CEP152: variants seen among roughly 807,000 people sequenced by gnomAD.
The protein encoded by CEP152 is centrosomal protein 152, also known as centrosomal protein of 152 kDa.
CEP152 carries 132 observed loss-of-function variants against 188.9 expected under a neutral mutation model. The observed-to-expected ratio is 0.70, with a 90% CI of 0.61 to 0.81. The LOEUF is 0.81. Ranked by LOEUF, CEP152 falls within the 30% of genes least tolerant of loss-of-function variation. The pLI, the probability that CEP152 is intolerant of heterozygous loss-of-function variation, is 0.00. For missense variants in CEP152, 1,914 were observed against 1,969.8 expected (o/e 0.97, Z 0.54); for synonymous variants, 649 against 666.6 (o/e 0.97, Z 0.41).
At chr15:48,763,737 A>G (rs1894864577) in intron 17 of CEP152, among the ~76,000 whole-genome samples, 1 of 152,180 alleles carries the variant, frequency 6.6e-6, no homozygotes, top group Admixed American at 6.5e-5. Flanking sequence ...TCATTTCTAA[A>G]TAAGCTTTTA....
chr15:48,746,044 A>G (rs1385085274), intron 22 of CEP152, among the ~76,000 whole-genome samples: 2 of 152,314 alleles, frequency 1.3e-5, no homozygotes, highest in East Asian at 3.9e-4. Context: ...TTTTTGTTTT[A>G]AACAACTCAC....
At chr15:48,809,394 AAC>A (rs1452649544) in intron 1 of CEP152, among the ~76,000 whole-genome samples, 39 of 152,210 alleles carry the variant, frequency 2.6e-4, no homozygotes, top group African/African-American at 8.4e-4. Flanking sequence ...CACTGATATA[AAC>A]AGTTACAATA....
chr15:48,762,696 CGAG>C, intron 17 of CEP152, 24 bp from the exon 18 acceptor site: 1 of 1,609,710 alleles, frequency 6.2e-7, no homozygotes, highest in Non-Finnish European at 8.5e-7. Context: ...AAAAATCATA[CGAG>C]AAGAACAATT....
At chr15:48,807,278 A>G (rs1025201286) in intron 1 of CEP152, among the ~76,000 whole-genome samples, 1 of 152,238 alleles carries the variant, frequency 6.6e-6, no homozygotes, top group Non-Finnish European at 1.5e-5. Flanking sequence ...GAATATGATA[A>G]AAAGCCTGTA....
At position 48,796,162 on chromosome 15, in the gene CEP152, T is replaced by A; in HGVS notation, c.541-2A>T. The A allele has an allele frequency of 1.9e-6, 3 of 1,613,482 alleles. No individual in the cohort carries two copies. The highest frequency in any genetic ancestry group is 2.5e-6 in the Non-Finnish European group (3 of 1,179,600). ...TTCCAAACCTTGACAACTGGGACCCTGTGATAACAAATGAAACTGACAATT... is the reference window on the plus strand; with the variant it reads ...TTCCAAACCTTGACAACTGGGACCCAGTGATAACAAATGAAACTGACAATT... On this transcript the variant is annotated splice_acceptor_variant, in intron 5 of 26. Coordinates refer to ENST00000380950, the MANE Select transcript of CEP152 (RefSeq NM_001194998.2). LOFTEE classifies it high-confidence loss of function.
downstream of CEP152, among the ~76,000 whole-genome samples, chr15:48,734,285 A>C (rs1038195352): frequency 2.6e-5 from 4 of 151,388 alleles, no homozygotes; most frequent in Non-Finnish European, 5.9e-5. Flanking sequence ...ATGAAGCTAA[A>C]CTGGGGCAAA....
In CEP152 at chr15:48,782,205, T is replaced by C; in HGVS notation, c.1347A>G (p.Leu449=). 7 of 1,613,900 alleles carry C rather than the reference T, an allele frequency of 4.3e-6. No individual in the cohort carries two copies. The highest frequency in any genetic ancestry group is 1.3e-5 in the African/African-American group (1 of 75,040). ...QSGSVQEVAQ[L]QFQLQQAQKA... ...TCTGTGCTTGCTGCAGCTGGAACTG[T>C]AGCTGAGCCACCTCTTGTACTGACC... Residue 449 remains leucine, a synonymous_variant, in exon 11 of 27, where the codon CTA becomes CTG. Transcript: ENST00000380950.
At chr15:48,741,904 T>C (rs554969968) in intron 25 of CEP152, 43 bp downstream of exon 25, 103 of 1,613,738 alleles carry the variant, frequency 6.4e-5, no homozygotes, top group Non-Finnish European at 8.1e-5. Context: ...TGATAACATG[T>C]TGTCCTGGTA....
In CEP152 at chr15:48,744,837, T is replaced by G. The variant is rs3784629; in HGVS notation, c.3731+59A>C. On this transcript the variant is annotated intron_variant, in intron 23 of 26. Transcript: ENST00000380950. ...AAAAAAAATTGATACTTAAAAAAAT[T>G]TAAAGATACTTGTACTTAGATTTCT... 113 of 1,472,538 alleles carry G rather than the reference T, an allele frequency of 7.7e-5. 1 individual carries two copies. The East Asian group carries it at 2.7e-3, about 35-fold the overall frequency. 91.2% of individuals were successfully genotyped at this position (1,472,538 alleles called of 1,614,324 possible).
chr15:48,797,894 G>C, intron 3 of CEP152, 54 bp downstream of exon 3: 2 of 1,524,274 alleles, frequency 1.3e-6, no homozygotes, highest in Non-Finnish European at 1.8e-6. Flanking sequence ...TTCATCAAAA[G>C]AAAAAGACTT....
At chr15:48,764,423 C>T (rs1426297800) in intron 17 of CEP152, among the ~76,000 whole-genome samples, 1 of 152,178 alleles carries the variant, frequency 6.6e-6, no homozygotes, top group Non-Finnish European at 1.5e-5. Flanking sequence ...ATAAACATCT[C>T]TCTACAACAC....
At chr15:48,788,211 A>G (rs1036799113) in intron 9 of CEP152, among the ~76,000 whole-genome samples, 1 of 152,220 alleles carries the variant, frequency 6.6e-6, no homozygotes, top group Non-Finnish European at 1.5e-5. Flanking sequence ...CAAATACCCT[A>G]CAAATAAAGG....
chr15:48,752,346 T>G lies in CEP152; in HGVS notation c.3466+3A>C. 1 of 1,614,014 alleles carries G rather than the reference T, an allele frequency of 6.2e-7. No homozygotes were observed. The highest frequency in any genetic ancestry group is 8.5e-7 in the Non-Finnish European group (1 of 1,179,994). The stretch of plus-strand genomic sequence containing the variant: ...AAGACTGGTGGGAACAAAATCCAAT[T>G]ACCAGCTTCTGCTTCTGTTGCTTGT... On this transcript the variant is annotated splice_donor_region_variant and intron_variant, in intron 21 of 26. Transcript: ENST00000380950.
intron 5 of CEP152, 136 bp downstream of exon 5, chr15:48,797,165 A>G (rs1033723727): frequency 2.2e-6 from 2 of 928,686 alleles, no homozygotes; most frequent in Admixed American, 1.9e-5. Flanking sequence ...ATGAACCTGA[A>G]TAAGTGCCCT....
chr15:48,741,690 A>G lies in CEP152; in HGVS notation c.4004T>C (p.Ile1335Thr). 4 of 1,614,128 alleles carry G rather than the reference A, an allele frequency of 2.5e-6. No individual in the cohort carries two copies. The highest frequency in any genetic ancestry group is 3.4e-6 in the Non-Finnish European group (4 of 1,180,024). ...AGCAAGTTTGCTAGCAGCATTCATA[A>G]TCTTTTTCTCAGCCCTGTGGGGAAT... ...DDGKEGAEKKIMNAASKLATM... is the reference protein window; with the variant it reads ...DDGKEGAEKKTMNAASKLATM... Residue 1335 changes from isoleucine to threonine, a missense_variant, in exon 26 of 27, where the codon ATT (isoleucine) becomes ACT (threonine). Coordinates refer to ENST00000380950, the MANE Select transcript of CEP152 (RefSeq NM_001194998.2).
intron 9 of CEP152, among the ~76,000 whole-genome samples, chr15:48,787,400 G>A (rs1397768231): frequency 1.3e-5 from 2 of 151,816 alleles, no homozygotes; most frequent in East Asian, 3.9e-4. Flanking sequence ...TGAACTCATG[G>A]GCTCAAGTGA....
At position 48,738,289 on chromosome 15, in the gene CEP152, T is replaced by C. The variant is rs745325875; in HGVS notation, c.5093A>G (p.Gln1698Arg). ...AAATGGGCTATCAAAGCCACTATCTTGTTGGCTAGATAGCGGAACAATTAA... is the reference window on the plus strand; with the variant it reads ...AAATGGGCTATCAAAGCCACTATCTCGTTGGCTAGATAGCGGAACAATTAA... ...RKLIVPLSSQ[Q>R]DSGFDSPFVN... The change falls in exon 27 of 27, where the codon CAA becomes CGA. Residue 1698 changes from glutamine (Q) to arginine (R), a missense_variant. Gln to Arg is a conservative substitution (Grantham distance 43). Transcript: ENST00000380950. 6.2e-7 allele frequency: 1 copy of C among 1,614,004 alleles called. No individual in the cohort carries two copies. The highest frequency in any genetic ancestry group is 8.5e-7 in the Non-Finnish European group (1 of 1,179,874).
At chr15:48,775,350 A>G (rs972233290) in intron 12 of CEP152, among the ~76,000 whole-genome samples, 2 of 152,072 alleles carry the variant, frequency 1.3e-5, no homozygotes, top group Non-Finnish European at 2.9e-5. Flanking sequence ...ACTTAAACAT[A>G]TCATAATCAA....
Position 48,790,852 on chromosome 15 carries a change from G to A in CEP152, c.972+385C>T, listed in dbSNP as rs1896948161. 3.9e-5 allele frequency among the ~76,000 whole-genome samples: 6 copies of A among 152,210 alleles called. No individual in the cohort carries two copies. The South Asian group carries it at 1.2e-3, about 32-fold the overall frequency. On this transcript the variant is annotated intron_variant, in intron 8 of 26. Transcript: ENST00000380950. ...CAAAGTGCTGGGATTACAGGCGTGA[G>A]CCACTGCATCCGGCCATCACTTTCA...
Sources: allele counts gnomAD v4.1 joint callset (sites outside exome capture counted in the v4.1 genomes callset), GRCh38; gene constraint gnomAD v4.1.1; transcripts MANE v1.5; gene names NCBI Gene and HGNC (gene_info 2026-07-23, HGNC 2026-07-21).